The following CPVL variants were observed in gnomAD, a reference collection of about 807,000 sequenced individuals.
The protein encoded by CPVL is carboxypeptidase vitellogenic like.
Under a neutral mutation model 63.7 loss-of-function variants are expected in CPVL, and 51 were observed. That is an observed-to-expected ratio of 0.80 (90% CI 0.64 to 1.01). The LOEUF is 1.01. Among genes scored for constraint, CPVL ranks in the 50% least tolerant of loss-of-function variants. The pLI, the probability that CPVL is intolerant of heterozygous loss-of-function variation, is 0.00. For missense variants in CPVL, 530 were observed against 573.1 expected (o/e 0.92, Z 0.77); for synonymous variants, 195 against 206.0 (o/e 0.95, Z 0.46).
chr7:29,185,407 T>C lies in CPVL; in HGVS notation c.-262+106A>G, dbSNP rs963709082. The C allele has an allele frequency of 2.9e-4, 44 of 152,344 alleles. 1 individual carries two copies. The highest frequency in any genetic ancestry group is 9.9e-4 in the African/African-American group (41 of 41,584). The allele number at this position is 152,344 out of a possible 1,614,324, so 9.4% of individuals were successfully genotyped here. On this transcript the variant is annotated intron_variant, in intron 3 of 16. Transcript: ENST00000409850. ...TTAGATTTTATTCTATTTTCTCATA[T>C]CATGATGTCTGTGGTTACACGCTCT...
intron 7 of CPVL, among the ~76,000 whole-genome samples, 182 bp from the exon 8 acceptor site, chr7:29,072,605 C>T (rs149413635): frequency 6.4e-4 from 97 of 152,246 alleles, no homozygotes; most frequent in African/African-American, 2.2e-3. Context: ...ATTCTTTTGT[C>T]GTCTCAAATA....
chr7:29,050,555 A>T lies in CPVL; in HGVS notation c.1137+13506T>A, dbSNP rs140539701. Among the ~76,000 whole-genome samples, 465 of 152,246 alleles carry T rather than the reference A, an allele frequency of 3.1e-3. 4 individuals are homozygous for T. Among genetic ancestry groups the T allele is most frequent in the Middle Eastern group, 6.8e-3 (2 of 294 alleles). On this transcript the variant is annotated intron_variant, in intron 11 of 12. Coordinates refer to ENST00000265394, the MANE Select transcript of CPVL (RefSeq NM_031311.5). ...TGGCAGTTCTTCAAAATGTTAAGGA[A>T]AACTACAAAACACTGCTGAAAGAAA...
At chr7:29,016,627 G>T (rs951671992) in intron 12 of CPVL, among the ~76,000 whole-genome samples, 1 of 152,156 alleles carries the variant, frequency 6.6e-6, no homozygotes, top group Admixed American at 6.5e-5. Context: ...CCACGGGCCT[G>T]AGGGCTCCAT....
At chr7:29,096,624 CCA>C (rs1469269961) in intron 3 of CPVL, among the ~76,000 whole-genome samples, 1 of 152,194 alleles carries the variant, frequency 6.6e-6, no homozygotes, top group Non-Finnish European at 1.5e-5. Flanking sequence ...AACAAAGAAT[CCA>C]TTCTCAGTGA....
At chr7:29,034,485 A>G in intron 11 of CPVL, among the ~76,000 whole-genome samples, 1 of 151,978 alleles carries the variant, frequency 6.6e-6, no homozygotes, top group Non-Finnish European at 1.5e-5. Flanking sequence ...GGTTTGTTAC[A>G]TAGGTCAATG....
chr7:29,035,463 G>A (rs974588457), intron 11 of CPVL, among the ~76,000 whole-genome samples: 5 of 152,144 alleles, frequency 3.3e-5, no homozygotes, highest in Admixed American at 6.5e-5. Flanking sequence ...TCACATCTCC[G>A]GTTCAGAAAC....
intron 5 of CPVL, among the ~76,000 whole-genome samples, chr7:29,165,662 A>T (rs1795813367): frequency 6.6e-6 from 1 of 152,210 alleles, no homozygotes; most frequent in Non-Finnish European, 1.5e-5. Context: ...TTTCACCATT[A>T]GGTGAGGTGT....
Position 29,061,122 on chromosome 7 carries a change from T to C in CPVL, c.1137+2939A>G, listed in dbSNP as rs370968645. Among the ~76,000 whole-genome samples the C allele has an allele frequency of 2.0e-5, 3 of 152,258 alleles. No individual in the cohort carries two copies. The East Asian group carries it at 5.8e-4, about 29-fold the overall frequency. On this transcript the variant is annotated intron_variant, in intron 11 of 12. Coordinates refer to ENST00000265394, the MANE Select transcript of CPVL (RefSeq NM_031311.5). The stretch of plus-strand genomic sequence containing the variant: ...TGGCAACCGATTCAGAGTTGAAAAG[T>C]TTATGCCAGACACGGTGGCTCACAC...
chr7:29,120,962 G>T lies in CPVL; in HGVS notation c.100C>A (p.Pro34Thr), dbSNP rs149553997. The change falls in exon 2 of 13, where the codon CCA (proline) becomes ACA (threonine). Residue 34 changes from proline (P) to threonine (T), a missense_variant. Coordinates refer to ENST00000265394, the MANE Select transcript of CPVL (RefSeq NM_031311.5). ...FRSLYRSVSM[P>T]PKGDSGQPLF... ...GGCTGTCCTGAGTCTCCCTTAGGTG[G>T]CATGGAAACACTTCTGTATAGGGAG... 2.5e-6 allele frequency: 4 copies of T among 1,613,742 alleles called. No individual in the cohort carries two copies. In the African/African-American group the frequency reaches 5.3e-5, roughly 22 times the overall value.
chr7:29,188,205 GACACTATATT>G (rs1421142738), intron 1 of CPVL, among the ~76,000 whole-genome samples: 1 of 152,144 alleles, frequency 6.6e-6, no homozygotes, highest in African/African-American at 2.4e-5. Flanking sequence ...TTATGCTTTA[GACACTATATT>G]ACATCTATCA....
intron 7 of CPVL, among the ~76,000 whole-genome samples, chr7:29,073,985 C>T (rs17157468): frequency 0.086 from 13,053 of 152,196 alleles, 1,890 homozygotes; most frequent in African/African-American, 0.3. Flanking sequence ...TCTCCAAGGC[C>T]CTCCAGGGGT....
At chr7:29,081,928 C>A (rs1784758965) in intron 7 of CPVL, among the ~76,000 whole-genome samples, 1 of 152,204 alleles carries the variant, frequency 6.6e-6, no homozygotes, top group Non-Finnish European at 1.5e-5. Flanking sequence ...CTGCTCCAGA[C>A]CCCTTGAGCA....
chr7:29,067,433 G>C (rs1188182257), intron 9 of CPVL, among the ~76,000 whole-genome samples: 1 of 152,134 alleles, frequency 6.6e-6, no homozygotes, highest in African/African-American at 2.4e-5. Context: ...CAATGCTTTA[G>C]GAGGAGGCAG....
intron 1 of CPVL, chr7:29,192,769 G>A (rs984928687): frequency 2.0e-5 from 3 of 152,112 alleles, no homozygotes; most frequent in Admixed American, 2.0e-4. Flanking sequence ...GCTCAAGTTC[G>A]CAGCTAAGTG....
chr7:29,030,051 C>T (rs1787875714), intron 12 of CPVL, among the ~76,000 whole-genome samples: 2 of 152,114 alleles, frequency 1.3e-5, no homozygotes, highest in Admixed American at 1.3e-4. Context: ...AAACACTTCC[C>T]AACTTATTTT....
At chr7:29,079,118 A>G (rs1784471220) in intron 7 of CPVL, among the ~76,000 whole-genome samples, 1 of 152,252 alleles carries the variant, frequency 6.6e-6, no homozygotes, top group Non-Finnish European at 1.5e-5. Context: ...TGATTAAAAC[A>G]GTCTTGGCCA....
At chr7:29,128,037 TG>T (rs1790226637) in intron 1 of CPVL, 1 of 151,966 alleles carries the variant, frequency 6.6e-6, no homozygotes, top group Non-Finnish European at 1.5e-5. Flanking sequence ...AACCTTGTGA[TG>T]GATGAGGAAA....
At chr7:29,062,255 C>A (rs560274016) in intron 11 of CPVL, among the ~76,000 whole-genome samples, 1 of 152,106 alleles carries the variant, frequency 6.6e-6, no homozygotes, top group Admixed American at 6.5e-5. Context: ...AGAGTCTGCA[C>A]GTTAGAGTGT....
At chr7:29,082,525 T>C (rs1424715743) in intron 7 of CPVL, 18 of 152,218 alleles carry the variant, frequency 1.2e-4, no homozygotes, top group African/African-American at 3.1e-4. Context: ...CTAATATTCA[T>C]AATAAACCAT....
Sources: allele counts gnomAD v4.1 joint callset (sites outside exome capture counted in the v4.1 genomes callset), GRCh38; gene constraint gnomAD v4.1.1; transcripts MANE v1.5; gene names NCBI Gene and HGNC (gene_info 2026-07-23, HGNC 2026-07-21).